Variants in DLG2 observed in about 807,000 individuals in gnomAD.
DLG2 encodes the protein discs large MAGUK scaffold protein 2, also known as disks large homolog 2.
A neutral mutation model predicts 132.5 loss-of-function variants in DLG2; 45 were observed. That is an observed-to-expected ratio of 0.34 (90% CI 0.27 to 0.44). DLG2 has a LOEUF of 0.44. Ranked by LOEUF, DLG2 falls within the 20% of genes least tolerant of loss-of-function variation. DLG2 has a pLI of 1.00. For synonymous variants in DLG2, 424 were observed against 419.6 expected (o/e 1.01, Z -0.13); for missense variants, 1,045 against 1,196.9 (o/e 0.87, Z 1.87).
chr11:84,480,113 G>C (rs1030592486), intron 7 of DLG2, among the ~76,000 whole-genome samples: 2 of 152,182 alleles, frequency 1.3e-5, no homozygotes, highest in African/African-American at 4.8e-5. Context: ...CAGAATGACA[G>C]TGATTTTAAA....
chr11:85,500,894 T>C, intron 3 of DLG2, among the ~76,000 whole-genome samples: 1 of 152,232 alleles, frequency 6.6e-6, no homozygotes, highest in South Asian at 2.1e-4. Flanking sequence ...CCACTGACTT[T>C]CTTCACAGAA....
chr11:84,519,805 C>T (rs989726128), intron 7 of DLG2, among the ~76,000 whole-genome samples: 1 of 152,156 alleles, frequency 6.6e-6, no homozygotes, highest in Non-Finnish European at 1.5e-5. Context: ...ACTTGAAATT[C>T]ATTCCATCCA....
chr11:83,846,035 C>CCACATATGT (rs2058548548), intron 16 of DLG2, among the ~76,000 whole-genome samples: 1 of 152,144 alleles, frequency 6.6e-6, no homozygotes, highest in African/African-American at 2.4e-5. Flanking sequence ...CATTGCAAAG[C>CCACATATGT]CACATATGTT....
At chr11:84,734,027 T>C in intron 6 of DLG2, among the ~76,000 whole-genome samples, 1 of 152,170 alleles carries the variant, frequency 6.6e-6, no homozygotes, top group Non-Finnish European at 1.5e-5. Context: ...ACCATGCTGT[T>C]TTGGTTACTG....
chr11:84,742,123 G>GA (rs978301191), intron 6 of DLG2, among the ~76,000 whole-genome samples: 12 of 149,674 alleles, frequency 8.0e-5, no homozygotes, highest in East Asian at 2.0e-4. Context: ...AGGCAGACAA[G>GA]AAAAAAAAAT....
chr11:85,191,372 C>T (rs896247751), intron 4 of DLG2, among the ~76,000 whole-genome samples: 2 of 151,774 alleles, frequency 1.3e-5, no homozygotes, highest in African/African-American at 4.8e-5. Flanking sequence ...ATTTCACTCC[C>T]ACCACACACC....
intron 2 of DLG2, among the ~76,000 whole-genome samples, chr11:85,609,019 G>T (rs944410668): frequency 3.7e-4 from 57 of 152,124 alleles, no homozygotes. Flanking sequence ...CCCCAGTATG[G>T]ATCCCCACTG....
chr11:84,099,104 C>T, intron 9 of DLG2, 57 bp from the exon 10 acceptor site: 1 of 1,485,680 alleles, frequency 6.7e-7, no homozygotes, highest in Non-Finnish European at 9.4e-7. Context: ...AACCTAGTTC[C>T]TCTTGCACTC....
intron 6 of DLG2, chr11:84,936,632 C>A (rs966270989): frequency 1.3e-5 from 2 of 151,894 alleles, no homozygotes; most frequent in Non-Finnish European, 2.9e-5. Context: ...AAAATACTGG[C>A]AGTAGTTATC....
intron 15 of DLG2, among the ~76,000 whole-genome samples, chr11:83,880,408 T>G (rs1246817159): frequency 6.6e-6 from 1 of 152,032 alleles, no homozygotes; most frequent in African/African-American, 2.4e-5. Flanking sequence ...CATTTAGAGG[T>G]AGAATATTCA....
At chr11:85,509,421 C>A in intron 3 of DLG2, among the ~76,000 whole-genome samples, 1 of 152,000 alleles carries the variant, frequency 6.6e-6, no homozygotes, top group Non-Finnish European at 1.5e-5. Context: ...TGCCTTACTA[C>A]ACAGTACAAG....
At chr11:84,513,779 C>CA (rs921326376) in intron 7 of DLG2, among the ~76,000 whole-genome samples, 40 of 145,478 alleles carry the variant, frequency 2.7e-4, no homozygotes, top group Middle Eastern at 7.3e-3. Context: ...CCAGGCCCCC[C>CA]AAAAAAAAAA....
chr11:83,878,617 T>C (rs2065356992), intron 15 of DLG2, among the ~76,000 whole-genome samples: 1 of 152,230 alleles, frequency 6.6e-6, no homozygotes, highest in African/African-American at 2.4e-5. Context: ...TCAGTGACTT[T>C]TGAAGATGAT....
At chr11:85,398,178 A>G (rs1241320882) in intron 3 of DLG2, among the ~76,000 whole-genome samples, 1 of 152,170 alleles carries the variant, frequency 6.6e-6, no homozygotes. Flanking sequence ...CTGAATGACT[A>G]GTGGGTAAAT....
chr11:84,478,787 G>C (rs1175566404), intron 7 of DLG2, among the ~76,000 whole-genome samples: 1 of 152,008 alleles, frequency 6.6e-6, no homozygotes. Flanking sequence ...ATTAAGGCCT[G>C]TCAGCTAGTA....
At chr11:84,828,312 C>T (rs1439063106) in intron 6 of DLG2, among the ~76,000 whole-genome samples, 1 of 151,718 alleles carries the variant, frequency 6.6e-6, no homozygotes, top group Admixed American at 6.6e-5. Context: ...AAACAATTCT[C>T]CAGCCATTTC....
At chr11:85,408,642 C>T (rs1011537069) in intron 3 of DLG2, among the ~76,000 whole-genome samples, 11 of 148,798 alleles carry the variant, frequency 7.4e-5, no homozygotes, top group South Asian at 4.3e-4. Flanking sequence ...TGAGAACATG[C>T]GGTGTTTGGT....
intron 18 of DLG2, among the ~76,000 whole-genome samples, chr11:83,694,341 G>A (rs1393768792): frequency 6.6e-6 from 1 of 152,154 alleles, no homozygotes; most frequent in African/African-American, 2.4e-5. Context: ...AAGTGCCTAA[G>A]AGAATAATGA....
intron 7 of DLG2, among the ~76,000 whole-genome samples, chr11:84,483,916 T>C (rs1208246484): frequency 6.6e-6 from 1 of 152,158 alleles, no homozygotes; most frequent in Non-Finnish European, 1.5e-5. Flanking sequence ...TCTGAGACAG[T>C]GTCTGGCAGT....
Sources: gnomAD v4.1 joint callset for allele counts (sites outside exome capture counted in the v4.1 genomes callset) on GRCh38, gnomAD v4.1.1 for gene constraint, MANE v1.5 for transcripts, NCBI Gene and HGNC (gene_info 2026-07-23, HGNC 2026-07-21) for gene names.